The following ARHGAP15 variants were observed in gnomAD, a reference collection of about 807,000 sequenced individuals.
ARHGAP15 encodes rho GTPase-activating protein 15.
In ARHGAP15, 51 loss-of-function variants were observed where a neutral mutation model predicts 63.7. The observed-to-expected ratio is 0.80, with a 90% confidence interval of 0.64 to 1.01. The LOEUF (loss-of-function observed/expected upper bound fraction) is 1.01. ARHGAP15 is among the 50% of genes least tolerant of loss of function. The probability of loss-of-function intolerance (pLI) is 0.00; values close to 1 mark genes in which losing one functional copy is unlikely to be tolerated. For missense variants in ARHGAP15, 560 were observed against 564.6 expected (o/e 0.99, Z 0.08); for synonymous variants, 191 against 193.8 (o/e 0.99, Z 0.12).
intron 12 of ARHGAP15, among the ~76,000 whole-genome samples, chr2:143,688,264 A>G (rs1683438858): frequency 6.6e-6 from 1 of 152,214 alleles, no homozygotes; most frequent in Admixed American, 6.5e-5. Flanking sequence ...TACGAAGAGA[A>G]GTAAACATTA....
At chr2:143,577,934 G>A (rs903993020) in intron 11 of ARHGAP15, among the ~76,000 whole-genome samples, 1 of 152,168 alleles carries the variant, frequency 6.6e-6, no homozygotes, top group African/African-American at 2.4e-5. Flanking sequence ...GACAAAAAAT[G>A]CCAGACTGTA....
chr2:143,262,535 ATTTTTTTTT>A (rs67267617), intron 6 of ARHGAP15, among the ~76,000 whole-genome samples: 1 of 90,924 alleles, frequency 1.1e-5, no homozygotes, highest in East Asian at 3.0e-4. Flanking sequence ...TGAACCTTTG[ATTTTTTTTT>A]TTTTTTTTTT....
chr2:143,547,443 A>G (rs1212809812), intron 10 of ARHGAP15, among the ~76,000 whole-genome samples: 3 of 152,122 alleles, frequency 2.0e-5, no homozygotes, highest in Admixed American at 6.6e-5. Flanking sequence ...TATAGAGGCT[A>G]TATACACAAA....
chr2:143,662,536 T>C (rs919815558), intron 12 of ARHGAP15, among the ~76,000 whole-genome samples: 11 of 139,452 alleles, frequency 7.9e-5, no homozygotes, highest in Admixed American at 1.5e-4. Context: ...ACGCAGTTCC[T>C]CACCAGCAAC....
chr2:143,452,833 T>A (rs1176798043), intron 8 of ARHGAP15, among the ~76,000 whole-genome samples: 1 of 152,000 alleles, frequency 6.6e-6, no homozygotes, highest in African/African-American at 2.4e-5. Context: ...TAAATAGTGA[T>A]TATTACTAGA....
chr2:143,308,538 T>C (rs569197739), intron 6 of ARHGAP15, among the ~76,000 whole-genome samples: 2 of 151,636 alleles, frequency 1.3e-5, no homozygotes, highest in South Asian at 4.2e-4. Context: ...GCCTAGCACA[T>C]GAAAGAGCTA....
chr2:143,321,909 C>T (rs1452068602), intron 6 of ARHGAP15, among the ~76,000 whole-genome samples: 3 of 152,156 alleles, frequency 2.0e-5, no homozygotes, highest in African/African-American at 7.2e-5. Context: ...AAGCCTTGGC[C>T]TCAAGCAATC....
At chr2:143,698,243 A>G (rs541587373) in intron 12 of ARHGAP15, among the ~76,000 whole-genome samples, 1 of 152,298 alleles carries the variant, frequency 6.6e-6, no homozygotes, top group African/African-American at 2.4e-5. Flanking sequence ...AAAAGTGTCC[A>G]GGGACATTGG....
intron 13 of ARHGAP15, among the ~76,000 whole-genome samples, chr2:143,764,670 C>T (rs1251566262): frequency 6.6e-6 from 1 of 152,154 alleles, no homozygotes; most frequent in East Asian, 1.9e-4. Flanking sequence ...CTCAGACTAT[C>T]CCTCCACTAA....
intron 6 of ARHGAP15, among the ~76,000 whole-genome samples, chr2:143,370,931 A>G (rs1401135558): frequency 6.6e-6 from 1 of 152,216 alleles, no homozygotes; most frequent in Non-Finnish European, 1.5e-5. Flanking sequence ...TTGCTTAATC[A>G]TGACTTTTTT....
intron 6 of ARHGAP15, among the ~76,000 whole-genome samples, chr2:143,260,381 G>T (rs1211349151): frequency 6.6e-6 from 1 of 152,050 alleles, no homozygotes; most frequent in Non-Finnish European, 1.5e-5. Flanking sequence ...TGAAAACCTT[G>T]ACCCTTTAAA....
intron 13 of ARHGAP15, among the ~76,000 whole-genome samples, chr2:143,715,345 A>G (rs1422636253): frequency 6.6e-6 from 1 of 152,192 alleles, no homozygotes; most frequent in Non-Finnish European, 1.5e-5. Context: ...TGGGAGATAC[A>G]ACTAAAGTTG....
chr2:143,537,818 C>T (rs1408170669), intron 10 of ARHGAP15, among the ~76,000 whole-genome samples: 1 of 152,244 alleles, frequency 6.6e-6, no homozygotes, highest in East Asian at 1.9e-4. Flanking sequence ...AGCATGATGT[C>T]TCCAGCTTTG....
At chr2:143,315,443 T>C (rs552733205) in intron 6 of ARHGAP15, among the ~76,000 whole-genome samples, 4 of 152,324 alleles carry the variant, frequency 2.6e-5, no homozygotes, top group South Asian at 2.1e-4. Context: ...TTGATATACA[T>C]GTGGCTCCCA....
Position 143,240,723 on chromosome 2 carries a change from G to A in ARHGAP15, c.385-9788G>A, listed in dbSNP as rs1693830109. On this transcript the variant is annotated intron_variant, in intron 5 of 13. Coordinates refer to ENST00000295095, the MANE Select transcript of ARHGAP15 (RefSeq NM_018460.4). Reference sequence around the variant, plus strand: ...AAAAACAAGTTACAGTTCAAAATCTGGAGGATAATGGGTAGAGATGGAAAT... The same window carrying A: ...AAAAACAAGTTACAGTTCAAAATCTAGAGGATAATGGGTAGAGATGGAAAT... Among the ~76,000 whole-genome samples, 2 of 152,058 alleles carry A rather than the reference G, an allele frequency of 1.3e-5. 1 individual carries two copies. Among genetic ancestry groups the A allele is most frequent in the South Asian group, 4.1e-4 (2 of 4,824 alleles).
intron 6 of ARHGAP15, among the ~76,000 whole-genome samples, chr2:143,425,869 T>C (rs992391969): frequency 1.2e-4 from 19 of 152,172 alleles, no homozygotes; most frequent in African/African-American, 4.1e-4. Flanking sequence ...AGTAAGTTTG[T>C]AGTATTACAC....
At chr2:143,365,546 A>T (rs1686258104) in intron 6 of ARHGAP15, among the ~76,000 whole-genome samples, 2 of 152,166 alleles carry the variant, frequency 1.3e-5, no homozygotes, top group South Asian at 4.1e-4. Context: ...GTGCACCATG[A>T]TCTAGCACCA....
At position 143,285,609 on chromosome 2, in the gene ARHGAP15, A is replaced by G. The variant is rs552726560; in HGVS notation, c.474+35009A>G. ...TTGATCTGCACGCATTCATTTCTGA[A>G]TTAGAAAACAGCTAATATTTTGTGA... On this transcript the variant is annotated intron_variant, in intron 6 of 13. Coordinates refer to ENST00000295095, the MANE Select transcript of ARHGAP15 (RefSeq NM_018460.4). Among the ~76,000 whole-genome samples, 60 of 152,304 alleles carry G rather than the reference A, an allele frequency of 3.9e-4. 1 individual carries two copies. The highest frequency in any genetic ancestry group is 1.4e-3 in the African/African-American group (58 of 41,580).
chr2:143,730,929 CTTT>C (rs1191514139), intron 13 of ARHGAP15, among the ~76,000 whole-genome samples: 32,819 of 86,856 alleles, frequency 0.38, 5,581 homozygotes, highest in Admixed American at 0.43. Context: ...GGGAAAAAGG[CTTT>C]TTTTTTTTTT....
Sources: allele counts gnomAD v4.1 joint callset (sites outside exome capture counted in the v4.1 genomes callset), GRCh38; gene constraint gnomAD v4.1.1; transcripts MANE v1.5; gene names NCBI Gene and HGNC (gene_info 2026-07-23, HGNC 2026-07-21).